Variants in TENM3 observed in about 807,000 individuals in gnomAD.
The protein encoded by TENM3 is teneurin transmembrane protein 3, also known as teneurin-3.
A neutral mutation model predicts 255.1 loss-of-function variants in TENM3; 63 were observed. That is an observed-to-expected ratio of 0.25 (90% CI 0.20 to 0.30). The LOEUF (loss-of-function observed/expected upper bound fraction) is 0.30. Ranked by LOEUF, TENM3 falls within the 10% of genes least tolerant of loss-of-function variation. TENM3 has a pLI of 1.00. For synonymous variants in TENM3, 1,306 were observed against 1,322.3 expected, an observed-to-expected ratio of 0.99 and a Z score of 0.27; for missense variants, 2,929 against 3,461.1, an observed-to-expected ratio of 0.85 and a Z score of 3.86.
chr4:181,882,172 T>C, the TENM3 span, among the ~76,000 whole-genome samples: 1 of 152,198 alleles, frequency 6.6e-6, no homozygotes, highest in Non-Finnish European at 1.5e-5. Flanking sequence ...AGGCTGTGAC[T>C]TCATTATGAG....
At chr4:181,700,159 T>C in the TENM3 span, among the ~76,000 whole-genome samples, 2 of 152,106 alleles carry the variant, frequency 1.3e-5, no homozygotes, top group African/African-American at 4.8e-5. Flanking sequence ...GAAAATAAAA[T>C]GCTCATGAAA....
At chr4:182,620,012 C>A (rs1019149207) in intron 4 of TENM3, among the ~76,000 whole-genome samples, 25 of 152,196 alleles carry the variant, frequency 1.6e-4, no homozygotes, top group African/African-American at 5.5e-4. Flanking sequence ...AAGAAAATTT[C>A]TGCCTTTATT....
At position 182,800,232 on chromosome 4, in the gene TENM3, G is replaced by A. The variant is rs758526586; in HGVS notation, c.7981G>A (p.Ala2661Thr). 6.3e-6 allele frequency: 10 copies of A among 1,592,728 alleles called. No individual in the cohort carries two copies. The African/African-American group carries it at 9.4e-5, about 15-fold the overall frequency. Reference protein sequence around the residue: ...TEGEKRQLLSAGKVQGYDGYY... With the variant: ...TEGEKRQLLSTGKVQGYDGYY... ...GGGCGAGAAGCGGCAGCTGCTGAGC[G>A]CCGGCAAGGTGCAGGGCTACGACGG... Residue 2661 changes from alanine (A) to threonine (T), a missense_variant, in exon 28 of 28, where the codon GCC becomes ACC. Ala to Thr is a moderately conservative substitution (Grantham distance 58). This residue lies in a region of TENM3 where 476 missense variants were observed against 480.1 expected (regional missense o/e 0.99). Coordinates refer to ENST00000511685, the MANE Select transcript of TENM3 (RefSeq NM_001080477.4).
intron 3 of TENM3, among the ~76,000 whole-genome samples, chr4:182,578,267 C>T (rs899428533): frequency 2.0e-5 from 3 of 152,066 alleles, no homozygotes; most frequent in African/African-American, 7.2e-5. Context: ...GAGCCACCAC[C>T]CCAGCCCCAA....
chr4:181,614,309 T>C, the TENM3 span, among the ~76,000 whole-genome samples: 1 of 152,166 alleles, frequency 6.6e-6, no homozygotes, highest in Non-Finnish European at 1.5e-5. Context: ...CCTAGTGAAA[T>C]GTTGTCTTCA....
At chr4:182,680,446 G>A (rs535600773) in intron 9 of TENM3, 97 bp downstream of exon 9, 1 of 1,379,030 alleles carries the variant, frequency 7.3e-7, no homozygotes, top group Non-Finnish European at 1.0e-6. Flanking sequence ...AAGGGGGGGG[G>A]AGACTGGCAT....
the TENM3 span, among the ~76,000 whole-genome samples, chr4:181,565,140 A>G: frequency 6.6e-6 from 1 of 152,144 alleles, no homozygotes; most frequent in African/African-American, 2.4e-5. Flanking sequence ...TTTCTGACAT[A>G]GTTGATTTTT....
At chr4:181,815,399 G>A in the TENM3 span, among the ~76,000 whole-genome samples, 3 of 143,838 alleles carry the variant, frequency 2.1e-5, no homozygotes, top group Non-Finnish European at 4.5e-5. Context: ...GGAGGCAGAG[G>A]TTGCAGTAAG....
At chr4:181,779,759 G>T in the TENM3 span, among the ~76,000 whole-genome samples, 1 of 151,998 alleles carries the variant, frequency 6.6e-6, no homozygotes, top group Non-Finnish European at 1.5e-5. Context: ...TTTACATTAG[G>T]TATATCTCCT....
At chr4:181,896,764 C>G in the TENM3 span, among the ~76,000 whole-genome samples, 1 of 152,314 alleles carries the variant, frequency 6.6e-6, no homozygotes, top group South Asian at 2.1e-4. Flanking sequence ...TCAGTAGACA[C>G]CAGCTTACCA....
chr4:181,857,252 C>G, the TENM3 span, among the ~76,000 whole-genome samples: 3 of 151,580 alleles, frequency 2.0e-5, no homozygotes, highest in African/African-American at 4.9e-5. Context: ...ACAGAAGAAA[C>G]CAGCCAGGAA....
At chr4:182,370,032 C>T (rs2150848128) in intron 3 of TENM3, among the ~76,000 whole-genome samples, 1 of 152,288 alleles carries the variant, frequency 6.6e-6, no homozygotes, top group Non-Finnish European at 1.5e-5. Context: ...GTTTGAGTTT[C>T]TTCAAATTCT....
At chr4:182,271,222 T>C (rs1759598724) in intron 1 of TENM3, among the ~76,000 whole-genome samples, 1 of 152,186 alleles carries the variant, frequency 6.6e-6, no homozygotes, top group Admixed American at 6.5e-5. Flanking sequence ...AGTTATCGCC[T>C]TACAGCAGGA....
At chr4:182,265,438 A>G (rs1850290) in intron 1 of TENM3, among the ~76,000 whole-genome samples, 44,719 of 151,930 alleles carry the variant, frequency 0.29, 7,349 homozygotes, top group African/African-American at 0.45. Context: ...GCTGCCTTGC[A>G]ATGAAATACA....
chr4:182,411,058 T>C (rs1274514708), intron 3 of TENM3, among the ~76,000 whole-genome samples: 2 of 152,172 alleles, frequency 1.3e-5, no homozygotes, highest in Admixed American at 1.3e-4. Flanking sequence ...AAATAGAGCA[T>C]TCACCTGCTG....
chr4:182,311,594 A>T (rs1423270726), intron 1 of TENM3, among the ~76,000 whole-genome samples: 1 of 152,344 alleles, frequency 6.6e-6, no homozygotes, highest in East Asian at 1.9e-4. Flanking sequence ...TCTGGGCCTC[A>T]GTTCTGTCAT....
At chr4:182,043,845 CA>C in the TENM3 span, among the ~76,000 whole-genome samples, 1 of 152,158 alleles carries the variant, frequency 6.6e-6, no homozygotes, top group Non-Finnish European at 1.5e-5. Flanking sequence ...AGGTCTTAGG[CA>C]TTTCGCCTTA....
At chr4:181,711,865 C>T in the TENM3 span, among the ~76,000 whole-genome samples, 4 of 152,056 alleles carry the variant, frequency 2.6e-5, no homozygotes, top group African/African-American at 4.8e-5. Context: ...GTAATGAAAA[C>T]GATCTCAAAG....
At chr4:182,323,830 G>A (rs1432924527) in intron 1 of TENM3, 116 bp from the exon 2 acceptor site, 3 of 594,368 alleles carry the variant, frequency 5.0e-6, no homozygotes, top group Non-Finnish European at 9.0e-6. Flanking sequence ...TTGAAAGCAA[G>A]TTTCCTAGAT....
Sources: gnomAD v4.1 joint callset for allele counts (sites outside exome capture counted in the v4.1 genomes callset) on GRCh38, gnomAD v4.1.1 for gene constraint, gnomAD v4.1.1 regional missense constraint, MANE v1.5 for transcripts, NCBI Gene and HGNC (gene_info 2026-07-23, HGNC 2026-07-21) for gene names.